PXDN: variants seen among roughly 807,000 people sequenced by gnomAD.
PXDN encodes peroxidasin.
PXDN carries 77 observed loss-of-function variants against 140.3 expected under a neutral mutation model. The observed-to-expected ratio is 0.55, with a 90% CI of 0.46 to 0.66. PXDN has a LOEUF of 0.66. PXDN is among the 30% of genes least tolerant of loss of function. The pLI is 0.00. For synonymous variants in PXDN, 911 were observed against 857.4 expected (o/e 1.06, Z -1.09); for missense variants, 1,838 against 2,039.5 (o/e 0.90, Z 1.90).
Position 1,634,109 on chromosome 2 carries a change from G to A in PXDN, c.*95C>T. ...GTTGTCATGAAATGTCACGAGTTCT[G>A]GGTGTTTCCTGGTCTGCAGTCCGCA... On this transcript the variant is annotated 3_prime_UTR_variant, in exon 23 of 23. Coordinates refer to ENST00000252804, the MANE Select transcript of PXDN (RefSeq NM_012293.3). 1.3e-6 allele frequency: 2 copies of A among 1,494,598 alleles called. No homozygotes were observed. The highest frequency in any genetic ancestry group is 1.8e-6 in the Non-Finnish European group (2 of 1,106,934). 92.6% of individuals were successfully genotyped at this position (1,494,598 alleles called of 1,614,324 possible).
At chr2:1,709,206 C>CATGGGGACCACGAGCTCAT (rs1366301409) in intron 1 of PXDN, among the ~76,000 whole-genome samples, 2 of 152,024 alleles carry the variant, frequency 1.3e-5, no homozygotes, top group East Asian at 3.9e-4. Context: ...ACCACAGGTG[C>CATGGGGACCACGAGCTCAT]GGGGACCACG....
At chr2:1,710,495 C>A (rs899714618) in intron 1 of PXDN, among the ~76,000 whole-genome samples, 6 of 150,446 alleles carry the variant, frequency 4.0e-5, no homozygotes, top group Admixed American at 4.0e-4. Flanking sequence ...AGCACCCACT[C>A]TCCACTAGCA....
In PXDN at chr2:1,685,648, G is replaced by C. The variant is rs1684036151; in HGVS notation, c.417-1497C>G. Among the ~76,000 whole-genome samples the C allele has an allele frequency of 6.6e-6, 1 of 152,156 alleles. No homozygotes were observed. Among genetic ancestry groups the C allele is most frequent in the Non-Finnish European group, 1.5e-5 (1 of 68,030 alleles). ...AAGGGGGTATTTCAAGCCCCACGGA[G>C]AGCGATGGGTGTAAAAATCCCTCCA... On this transcript the variant is annotated intron_variant, in intron 4 of 22. Transcript: ENST00000252804. The surrounding 1 kb of genome is among the most constrained non-coding windows in gnomAD (Gnocchi z 5.1).
intron 1 of PXDN, among the ~76,000 whole-genome samples, chr2:1,710,762 CTCCACCAGCACCCA>C (rs1684744626): frequency 1.4e-5 from 1 of 69,768 alleles, no homozygotes; most frequent in Non-Finnish European, 3.1e-5. Flanking sequence ...CCAGCACCCA[CTCCACCAGCACCCA>C]CTCTCCACCA....
chr2:1,644,005 G>C (rs1485887886), intron 18 of PXDN, among the ~76,000 whole-genome samples: 1 of 135,534 alleles, frequency 7.4e-6, no homozygotes, highest in Non-Finnish European at 1.5e-5. Context: ...CCGGGAGGCA[G>C]AGCTTGCAGT....
intron 17 of PXDN, among the ~76,000 whole-genome samples, chr2:1,647,694 C>G (rs536653905): frequency 6.6e-6 from 1 of 152,190 alleles, no homozygotes; most frequent in Non-Finnish European, 1.5e-5. Flanking sequence ...ACAGGCCAAG[C>G]CTTAGGGGCT....
chr2:1,713,632 T>A (rs868099177), intron 1 of PXDN, among the ~76,000 whole-genome samples: 1 of 152,178 alleles, frequency 6.6e-6, no homozygotes, highest in Non-Finnish European at 1.5e-5. Context: ...TACCTCCAAA[T>A]GGACCCCGGG....
At chr2:1,701,188 A>G (rs1420705122) in intron 1 of PXDN, among the ~76,000 whole-genome samples, 1 of 152,158 alleles carries the variant, frequency 6.6e-6, no homozygotes, top group East Asian at 1.9e-4. Context: ...AGTGCTTCCT[A>G]CTAAGGACTG....
Position 1,665,058 on chromosome 2 carries a change from A to G in PXDN, c.1308T>C (p.Thr436=), listed in dbSNP as rs753126759. 3 of 1,607,428 alleles carry G rather than the reference A, an allele frequency of 1.9e-6. No individual in the cohort carries two copies. The South Asian group carries it at 3.3e-5, about 18-fold the overall frequency. Residue 436 remains threonine, a synonymous_variant, in exon 11 of 23, where the codon ACT becomes ACC. Coordinates refer to ENST00000252804, the MANE Select transcript of PXDN (RefSeq NM_012293.3). ...TAACGACTCTGTCCTGAGGCGTCAC[A>G]GTGAACTGAGGAAGAGCTTCCGGAG... ...FIIVQALPQF[T]VTPQDRVVIE... is the part of the protein sequence containing the mutation.
At chr2:1,733,301 C>T (rs185020926) in intron 1 of PXDN, among the ~76,000 whole-genome samples, 21 of 151,850 alleles carry the variant, frequency 1.4e-4, no homozygotes, top group Admixed American at 1.4e-3. Flanking sequence ...CAGAGAAAAC[C>T]ACACCAAGGC....
chr2:1,719,313 C>T (rs895672397), intron 1 of PXDN, among the ~76,000 whole-genome samples: 34 of 152,188 alleles, frequency 2.2e-4, no homozygotes, highest in African/African-American at 7.2e-4. Flanking sequence ...AGGCAGCAGC[C>T]GGCAGCACCC....
At chr2:1,742,500 G>A (rs1342919646) in intron 1 of PXDN, among the ~76,000 whole-genome samples, 1 of 152,170 alleles carries the variant, frequency 6.6e-6, no homozygotes, top group African/African-American at 2.4e-5. Flanking sequence ...CATGCAAAGC[G>A]GAGCAGAGGA....
Position 1,648,267 on chromosome 2 carries a change from G to C in PXDN, c.3513C>G (p.His1171Gln), listed in dbSNP as rs569573342. 1 of 1,613,976 alleles carries C rather than the reference G, an allele frequency of 6.2e-7. No homozygotes were observed. The highest frequency in any genetic ancestry group is 1.7e-5 in the Admixed American group (1 of 60,022). ...ATAGATTGCAGTAGACCCTGTAGTC[G>C]TGGTAGGGTGGGATCCCGTGGTCCC... Reference protein sequence around the residue: ...RGRDHGIPPYHDYRVYCNLSA... With the variant: ...RGRDHGIPPYQDYRVYCNLSA... The change falls in exon 17 of 23, where the codon CAC (histidine) becomes CAG (glutamine). Residue 1171 changes from histidine (H) to glutamine (Q), a missense_variant. By Grantham distance (24) the His-to-Gln change is conservative. Coordinates refer to ENST00000252804, the MANE Select transcript of PXDN (RefSeq NM_012293.3). The surrounding 1 kb of genome is among the most constrained non-coding windows in gnomAD (Gnocchi z 8.9).
intron 9 of PXDN, among the ~76,000 whole-genome samples, chr2:1,668,340 A>G (rs928966361): frequency 2.6e-5 from 4 of 152,238 alleles, no homozygotes; most frequent in Non-Finnish European, 5.9e-5. Context: ...ACCTGAAACC[A>G]TAAAAACCCT....
Position 1,673,725 on chromosome 2 carries a change from C to G in PXDN, c.936G>C (p.Gln312His). The change falls in exon 9 of 23, where the codon CAG (glutamine) becomes CAC (histidine). Residue 312 changes from glutamine (Q) to histidine (H), a missense_variant. By Grantham distance (24) the Gln-to-His change is conservative. This residue lies in a region of PXDN where 208 missense variants were observed against 325.8 expected (regional missense o/e 0.64). Coordinates refer to ENST00000252804, the MANE Select transcript of PXDN (RefSeq NM_012293.3). ...LMIQNTQETD[Q>H]GIYQCMAKNV... ...TCTTTGCCATGCACTGGTAGATACC[C>G]TGGTCTGTCTCCTGTGTGTTCTGGA... 3 of 1,614,024 alleles carry G rather than the reference C, an allele frequency of 1.9e-6. No homozygotes were observed. The highest frequency in any genetic ancestry group is 2.5e-6 in the Non-Finnish European group (3 of 1,179,892).
intron 1 of PXDN, among the ~76,000 whole-genome samples, chr2:1,738,173 A>G (rs1219504136): frequency 6.6e-6 from 1 of 151,918 alleles, no homozygotes; most frequent in African/African-American, 2.4e-5. Context: ...GGTACTTTTA[A>G]ATAAATCACA....
chr2:1,743,444 C>A (rs1190392116), intron 1 of PXDN, among the ~76,000 whole-genome samples: 1 of 152,052 alleles, frequency 6.6e-6, no homozygotes, highest in African/African-American at 2.4e-5. Flanking sequence ...GCAGGAAAAG[C>A]CCCTGAGAAG....
rs758395634 is a variant in PXDN, at chr2:1,649,677, T to C, written c.2105-2A>G. The C allele has an allele frequency of 6.2e-7, 1 of 1,613,750 alleles. No homozygotes were observed. The highest frequency in any genetic ancestry group is 8.5e-7 in the Non-Finnish European group (1 of 1,179,828). On this transcript the variant is annotated splice_acceptor_variant, in intron 16 of 22. Coordinates refer to ENST00000252804, the MANE Select transcript of PXDN (RefSeq NM_012293.3). LOFTEE classifies it high-confidence loss of function. This position sits in a 1 kb window ranked among gnomAD's most constrained non-coding sequence, Gnocchi z 7.1. ...ACACCAGGTCGTTGTAGTGGTAACC[T>C]GGGACGTGGAGAAAAGCAAGACGCA...
At chr2:1,723,743 C>T (rs1427794463) in intron 1 of PXDN, among the ~76,000 whole-genome samples, 2 of 151,974 alleles carry the variant, frequency 1.3e-5, no homozygotes, top group East Asian at 1.9e-4. Context: ...GATGGGTAAA[C>T]GTGAATGGAT....
Sources: gnomAD v4.1 joint callset for allele counts (sites outside exome capture counted in the v4.1 genomes callset) on GRCh38, gnomAD v4.1.1 for gene constraint, gnomAD v4.1.1 regional missense constraint, Gnocchi (gnomAD v3.1) non-coding constraint, MANE v1.5 for transcripts, NCBI Gene and HGNC (gene_info 2026-07-23, HGNC 2026-07-21) for gene names.